Variants in TARBP1 observed in about 807,000 individuals in gnomAD.
TARBP1 encodes the protein tRNA (guanosine(18)-2'-O)-methyltransferase TARBP1.
In TARBP1, 144 loss-of-function variants were observed where a neutral mutation model predicts 178.6. The ratio of observed to expected loss-of-function variants is 0.81; its 90% CI spans 0.70 to 0.93. TARBP1 has a LOEUF of 0.93. Ranked by LOEUF, TARBP1 falls within the 40% of genes least tolerant of loss-of-function variation. The pLI is 0.00. For synonymous variants in TARBP1, 787 were observed against 781.0 expected, an observed-to-expected ratio of 1.01 and a Z score of -0.13; for missense variants, 2,067 against 2,011.7, an observed-to-expected ratio of 1.03 and a Z score of -0.53.
chr1:234,425,635 G>GT, intron 20 of TARBP1, 38 bp downstream of exon 20: 1 of 1,593,000 alleles, frequency 6.3e-7, no homozygotes, highest in Non-Finnish European at 8.6e-7. Context: ...ACCTCTGACT[G>GT]TTAAAAACAA....
chr1:234,391,971 G>C (rs1252566350), intron 29 of TARBP1, among the ~76,000 whole-genome samples: 3 of 152,334 alleles, frequency 2.0e-5, no homozygotes, highest in Middle Eastern at 3.4e-3. Context: ...CCATGCCAGA[G>C]AGATGAAATA....
In TARBP1 at chr1:234,459,271, G is replaced by C; in HGVS notation, c.1591C>G (p.Gln531Glu). The change falls in exon 8 of 30, where the codon CAA (glutamine) becomes GAA (glutamate). Residue 531 changes from glutamine to glutamate, a missense_variant. Physicochemically the swap from Gln to Glu is conservative, Grantham distance 29. Coordinates refer to ENST00000040877, the MANE Select transcript of TARBP1 (RefSeq NM_005646.4). ...ATAGCTGTTTGAAGAAGGTAGCATT[G>C]GGCTGCCCCTCTCAGGAGAATCTGA... is the stretch of plus-strand genomic sequence containing the variant. ...THQILLRGAAQCYLLQTAMNL... is the reference protein window; with the variant it reads ...THQILLRGAAECYLLQTAMNL... 2 of 1,613,220 alleles carry C rather than the reference G, an allele frequency of 1.2e-6. No individual in the cohort carries two copies. The highest frequency in any genetic ancestry group is 8.5e-7 in the Non-Finnish European group (1 of 1,179,730).
intron 3 of TARBP1, among the ~76,000 whole-genome samples, chr1:234,468,960 T>C (rs1239016333): frequency 6.6e-6 from 1 of 151,180 alleles, no homozygotes; most frequent in Non-Finnish European, 1.5e-5. Context: ...AACTATTTTT[T>C]CATGGAAAAC....
chr1:234,478,027 C>T, intron 1 of TARBP1, 146 bp downstream of exon 1: 1 of 754,040 alleles, frequency 1.3e-6, no homozygotes, highest in Non-Finnish European at 2.1e-6. Context: ...CAAAGGTTTT[C>T]AGGCTTTAGG....
intron 23 of TARBP1, among the ~76,000 whole-genome samples, chr1:234,409,842 T>C (rs760662778): frequency 1.2e-4 from 18 of 152,236 alleles, no homozygotes; most frequent in Non-Finnish European, 2.2e-4. Flanking sequence ...ATATAGAATC[T>C]TATTCCAAAT....
intron 10 of TARBP1, 116 bp downstream of exon 10, chr1:234,450,312 G>T: frequency 2.8e-6 from 2 of 704,644 alleles, no homozygotes; most frequent in Middle Eastern, 4.1e-4. Flanking sequence ...TACAAGTTTG[G>T]CATCAATAAA....
At chr1:234,429,787 G>C (rs1420118671) in intron 15 of TARBP1, 110 bp from the exon 16 acceptor site, 1 of 1,224,472 alleles carries the variant, frequency 8.2e-7, no homozygotes, top group Non-Finnish European at 1.1e-6. Context: ...GCAGTGTACA[G>C]ATATAAATGG....
intron 23 of TARBP1, among the ~76,000 whole-genome samples, chr1:234,408,498 T>C (rs557943470): frequency 6.6e-6 from 1 of 152,306 alleles, no homozygotes; most frequent in African/African-American, 2.4e-5. Context: ...GATTAGAAAT[T>C]ATGGTTCAGG....
intron 11 of TARBP1, among the ~76,000 whole-genome samples, chr1:234,447,589 T>A (rs1334230275): frequency 1.3e-5 from 2 of 152,042 alleles, no homozygotes; most frequent in Non-Finnish European, 2.9e-5. Context: ...AGACAGGGTC[T>A]CGCTTATTTT....
At chr1:234,399,598 C>T (rs530318658) in intron 25 of TARBP1, among the ~76,000 whole-genome samples, 7 of 152,008 alleles carry the variant, frequency 4.6e-5, no homozygotes, top group Non-Finnish European at 8.8e-5. Context: ...ATGTTTATTG[C>T]GGCACTATTC....
intron 13 of TARBP1, among the ~76,000 whole-genome samples, chr1:234,436,548 A>G (rs992564618): frequency 6.6e-6 from 1 of 152,154 alleles, no homozygotes; most frequent in Non-Finnish European, 1.5e-5. Flanking sequence ...TCAGTTGAAT[A>G]CTTGTATTTT....
intron 15 of TARBP1, 42 bp downstream of exon 15, chr1:234,430,045 C>T: frequency 6.4e-7 from 1 of 1,563,704 alleles, no homozygotes; most frequent in Non-Finnish European, 8.7e-7. Context: ...CTCACGGTGA[C>T]AACAACAGAA....
chr1:234,457,661 T>C lies in TARBP1; in HGVS notation c.1722+6A>G. On this transcript the variant is annotated splice_donor_region_variant and intron_variant, in intron 9 of 29. Transcript: ENST00000040877. ...AAAGACTTTATTAAATTATCTTTAATCTCACCTCTGTCCACAATGAAGTTC... is the reference window on the plus strand; with the variant it reads ...AAAGACTTTATTAAATTATCTTTAACCTCACCTCTGTCCACAATGAAGTTC... 6.9e-6 allele frequency: 11 copies of C among 1,587,654 alleles called. No individual in the cohort carries two copies. Among genetic ancestry groups the C allele is most frequent in the South Asian group, 2.3e-5 (2 of 87,252 alleles).
intron 24 of TARBP1, among the ~76,000 whole-genome samples, chr1:234,402,482 G>A (rs143197836): frequency 5.3e-5 from 8 of 152,122 alleles, no homozygotes; most frequent in Non-Finnish European, 7.4e-5. Context: ...TAAATATTCC[G>A]AATATTCAGG....
rs575825074 is a variant in TARBP1 at position 234,439,676 on chromosome 1, A to G, written c.2135-2304T>C. On this transcript the variant is annotated intron_variant, in intron 12 of 29. Transcript: ENST00000040877. The stretch of plus-strand genomic sequence containing the variant: ...CCTCATTTCTACTAAAAATACAAAA[A>G]TTAGCCAGGCATGATGGTGGGCACC... Among the ~76,000 whole-genome samples the G allele has an allele frequency of 6.6e-5, 10 of 152,286 alleles. No individual in the cohort carries two copies. In the South Asian group the frequency reaches 1.7e-3, roughly 25 times the overall value.
intron 23 of TARBP1, among the ~76,000 whole-genome samples, chr1:234,409,819 T>G (rs1661617082): frequency 6.6e-6 from 1 of 152,258 alleles, no homozygotes; most frequent in Non-Finnish European, 1.5e-5. Context: ...CATTCTTTTC[T>G]GTGGATGCAA....
Position 234,391,426 on chromosome 1 carries a change from T to C in TARBP1, c.*151A>G. 4.8e-6 allele frequency: 3 copies of C among 623,558 alleles called. No individual in the cohort carries two copies. The highest frequency in any genetic ancestry group is 7.7e-6 in the Non-Finnish European group (3 of 392,150). 38.6% of individuals were successfully genotyped at this position (623,558 alleles called of 1,614,324 possible). ...TTAAAGGGGAAAATATATAGTAATATGTTTAAGGCACATGGCAAACTTTTG... is the reference window on the plus strand; with the variant it reads ...TTAAAGGGGAAAATATATAGTAATACGTTTAAGGCACATGGCAAACTTTTG... On this transcript the variant is annotated 3_prime_UTR_variant, in exon 30 of 30. Coordinates refer to ENST00000040877, the MANE Select transcript of TARBP1 (RefSeq NM_005646.4).
intron 14 of TARBP1, among the ~76,000 whole-genome samples, chr1:234,431,051 G>A (rs891185480): frequency 3.9e-5 from 6 of 152,138 alleles, no homozygotes; most frequent in Admixed American, 1.3e-4. Context: ...AGAGAAAATC[G>A]ACAATCTCTC....
intron 14 of TARBP1, among the ~76,000 whole-genome samples, chr1:234,431,459 A>G (rs1664421715): frequency 1.3e-5 from 2 of 152,242 alleles, no homozygotes; most frequent in African/African-American, 4.8e-5. Flanking sequence ...CAGGATGCTG[A>G]AATATTAATC....
Sources: gnomAD v4.1 joint callset for allele counts (sites outside exome capture counted in the v4.1 genomes callset) on GRCh38, gnomAD v4.1.1 for gene constraint, MANE v1.5 for transcripts, NCBI Gene and HGNC (gene_info 2026-07-23, HGNC 2026-07-21) for gene names.